The following ARID5B variants were observed in gnomAD, a reference collection of about 807,000 sequenced individuals.
ARID5B encodes AT-rich interactive domain-containing protein 5B.
A neutral mutation model predicts 97.2 loss-of-function variants in ARID5B; 13 were observed. The observed-to-expected ratio is 0.13, with a 90% CI of 0.09 to 0.21. The LOEUF is 0.21. Ranked by LOEUF, ARID5B falls within the 10% of genes least tolerant of loss-of-function variation. The probability of loss-of-function intolerance (pLI) is 1.00; values close to 1 mark genes in which losing one functional copy is unlikely to be tolerated. For missense variants in ARID5B, 1,210 were observed against 1,465.3 expected (o/e 0.83, Z 2.84); for synonymous variants, 556 against 570.3 (o/e 0.97, Z 0.36).
chr10:62,052,301 C>T (rs1254112703), intron 5 of ARID5B, among the ~76,000 whole-genome samples: 1 of 152,212 alleles, frequency 6.6e-6, no homozygotes, highest in Admixed American at 6.5e-5. Flanking sequence ...AACTATCTAC[C>T]TAGGACTTTG....
At chr10:62,062,209 T>C (rs1194653247) in intron 7 of ARID5B, among the ~76,000 whole-genome samples, 1 of 152,220 alleles carries the variant, frequency 6.6e-6, no homozygotes, top group Non-Finnish European at 1.5e-5. Flanking sequence ...TAAGCTGTCA[T>C]CACAGAGTTA....
chr10:61,950,086 C>A (rs1218738179), intron 3 of ARID5B, among the ~76,000 whole-genome samples: 2 of 152,202 alleles, frequency 1.3e-5, no homozygotes, highest in Non-Finnish European at 2.9e-5. Context: ...CTGCAGACTG[C>A]AACCTCTGCC....
intron 4 of ARID5B, among the ~76,000 whole-genome samples, chr10:62,037,809 T>C (rs1164589112): frequency 6.6e-6 from 1 of 152,228 alleles, no homozygotes; most frequent in African/African-American, 2.4e-5. Flanking sequence ...GCTGTTTAAT[T>C]TTATAGTAAA....
chr10:61,922,584 C>T (rs567017274), intron 2 of ARID5B, among the ~76,000 whole-genome samples: 1 of 152,330 alleles, frequency 6.6e-6, no homozygotes, highest in East Asian at 1.9e-4. Context: ...GCCTGGGTGA[C>T]AGAGTGAGAC....
chr10:61,973,667 A>G (rs1168388836), intron 3 of ARID5B, among the ~76,000 whole-genome samples: 1 of 152,124 alleles, frequency 6.6e-6, no homozygotes, highest in Non-Finnish European at 1.5e-5. Flanking sequence ...TGTGTGTACA[A>G]TTTTATCTAA....
chr10:62,062,567 C>T (rs1229303754), intron 7 of ARID5B, among the ~76,000 whole-genome samples: 1 of 152,094 alleles, frequency 6.6e-6, no homozygotes, highest in Non-Finnish European at 1.5e-5. Context: ...AGTCAAGTAT[C>T]AAAGATTTTT....
chr10:62,020,454 G>C (rs1466974680), intron 4 of ARID5B, among the ~76,000 whole-genome samples: 1 of 152,138 alleles, frequency 6.6e-6, no homozygotes, highest in African/African-American at 2.4e-5. Flanking sequence ...ATTCTTAGTG[G>C]ATTGATGGGA....
chr10:61,958,563 G>T (rs1007541928), intron 3 of ARID5B, among the ~76,000 whole-genome samples: 1 of 152,122 alleles, frequency 6.6e-6, no homozygotes, highest in Non-Finnish European at 1.5e-5. Flanking sequence ...TCATACACAT[G>T]ATTGTTGAAT....
At chr10:61,985,714 A>G (rs1203950050) in intron 3 of ARID5B, among the ~76,000 whole-genome samples, 1 of 152,062 alleles carries the variant, frequency 6.6e-6, no homozygotes, top group Non-Finnish European at 1.5e-5. Context: ...CAATGGGTGC[A>G]ATTGTGTGAG....
rs1843630412 is a variant in ARID5B, at chr10:61,902,342, C to A, written c.205C>A (p.Leu69Ile). The A allele has an allele frequency of 6.2e-7, 1 of 1,614,144 alleles. No individual in the cohort carries two copies. Among genetic ancestry groups the A allele is most frequent in the African/African-American group, 1.3e-5 (1 of 75,018 alleles). The change falls in exon 2 of 10, where the codon CTT becomes ATT. Residue 69 changes from leucine to isoleucine, a missense_variant. By Grantham distance (5) the Leu-to-Ile change is conservative. Transcript: ENST00000279873. The part of the protein sequence containing the change: ...LLWEERTSRQ[L>I]LSSSKLYFLP... ...GTGGGAAGAGAGGACCAGCCGGCAA[C>A]TTTTATCCAGCTCTAAACTTTATTT...
chr10:61,976,858 CTTT>C (rs11332367), intron 3 of ARID5B, among the ~76,000 whole-genome samples: 2 of 145,306 alleles, frequency 1.4e-5, no homozygotes, highest in Non-Finnish European at 1.5e-5. Flanking sequence ...AACTTTCTTT[CTTT>C]TTTTTTTTTT....
At chr10:61,939,544 C>A (rs1214017460) in intron 2 of ARID5B, among the ~76,000 whole-genome samples, 1 of 152,186 alleles carries the variant, frequency 6.6e-6, no homozygotes, top group Non-Finnish European at 1.5e-5. Context: ...AAGAAAAAAT[C>A]AGTTCATTTC....
intron 8 of ARID5B, among the ~76,000 whole-genome samples, chr10:62,077,031 C>T (rs1474561336): frequency 6.6e-6 from 1 of 152,154 alleles, no homozygotes; most frequent in Non-Finnish European, 1.5e-5. Flanking sequence ...AACAAGTTGC[C>T]CAGAGTTAGG....
chr10:61,925,952 C>T (rs940829042), intron 2 of ARID5B, among the ~76,000 whole-genome samples: 1 of 152,096 alleles, frequency 6.6e-6, no homozygotes, highest in African/African-American at 2.4e-5. Context: ...TTCCAAAATT[C>T]ATCGAGCCAC....
chr10:61,978,636 T>C (rs867134748), intron 3 of ARID5B, among the ~76,000 whole-genome samples: 7 of 152,120 alleles, frequency 4.6e-5, no homozygotes, highest in Non-Finnish European at 1.0e-4. Flanking sequence ...TGAATGGGAG[T>C]TCACTCATGA....
chr10:62,067,674 T>G (rs940765311), intron 7 of ARID5B, among the ~76,000 whole-genome samples: 1 of 152,238 alleles, frequency 6.6e-6, no homozygotes, highest in African/African-American at 2.4e-5. Context: ...AGCTGCTTTA[T>G]GCAGTGAAAA....
chr10:61,903,612 CT>C (rs1391253997), intron 2 of ARID5B, among the ~76,000 whole-genome samples: 1 of 152,220 alleles, frequency 6.6e-6, no homozygotes, highest in East Asian at 1.9e-4. Flanking sequence ...CTGTGCCAGG[CT>C]CTCGAGCTTT....
intron 3 of ARID5B, among the ~76,000 whole-genome samples, chr10:61,991,740 AT>A (rs1364767698): frequency 2.0e-5 from 3 of 152,120 alleles, no homozygotes; most frequent in Non-Finnish European, 4.4e-5. Context: ...TTAAAAAATC[AT>A]TGTGGAGGCC....
At chr10:62,076,501 G>T (rs1412596941) in intron 8 of ARID5B, among the ~76,000 whole-genome samples, 1 of 147,858 alleles carries the variant, frequency 6.8e-6, no homozygotes, top group Non-Finnish European at 1.5e-5. Context: ...GTGGAGGGTT[G>T]CAGTGAGCCG....
Sources: allele counts gnomAD v4.1 joint callset (sites outside exome capture counted in the v4.1 genomes callset), GRCh38; gene constraint gnomAD v4.1.1; transcripts MANE v1.5; gene names NCBI Gene and HGNC (gene_info 2026-07-23, HGNC 2026-07-21).